Variants in STAU2 observed in about 807,000 individuals in gnomAD.
STAU2 encodes the protein staufen double-stranded RNA binding protein 2.
STAU2 carries 20 observed loss-of-function variants against 65.9 expected under a neutral mutation model. The observed-to-expected ratio is 0.30, with a 90% confidence interval of 0.21 to 0.44. The LOEUF is 0.44. Ranked by LOEUF, STAU2 falls within the 20% of genes least tolerant of loss-of-function variation. The probability of loss-of-function intolerance (pLI) is 1.00; values close to 1 mark genes in which losing one functional copy is unlikely to be tolerated. For synonymous variants in STAU2, 232 were observed against 233.9 expected (o/e 0.99, Z 0.07); for missense variants, 558 against 683.9 (o/e 0.82, Z 2.05).
In STAU2 at chr8:73,551,712, T is replaced by C. The variant is rs139538875; in HGVS notation, c.1530+300A>G. ...GTTTGTGGAAGACAGAGCGAAGAGA[T>C]AGATGCACCTAATCAAGACCAAATA... On this transcript the variant is annotated intron_variant, in intron 13 of 14. Transcript: ENST00000524300. 3.5e-4 allele frequency: 366 copies of C among 1,046,616 alleles called. No individual in the cohort carries two copies. In the African/African-American group the frequency reaches 5.5e-3, roughly 16 times the overall value. 64.8% of individuals were successfully genotyped at this position (1,046,616 alleles called of 1,614,324 possible).
intron 12 of STAU2, among the ~76,000 whole-genome samples, chr8:73,578,475 A>C (rs1416234068): frequency 1.3e-5 from 2 of 152,204 alleles, no homozygotes; most frequent in African/African-American, 4.8e-5. Flanking sequence ...TCTAATATAC[A>C]GTCATCAATG....
At chr8:73,556,982 ATT>A (rs1807834531) in intron 12 of STAU2, among the ~76,000 whole-genome samples, 1 of 152,042 alleles carries the variant, frequency 6.6e-6, no homozygotes, top group Admixed American at 6.6e-5. Context: ...CATATTACTG[ATT>A]TTTGTTTTTT....
rs554029193 is a variant in STAU2 at position 73,736,250 on chromosome 8, T to C, written c.-18+2034A>G. 3.3e-5 allele frequency among the ~76,000 whole-genome samples: 5 copies of C among 152,324 alleles called. No homozygotes were observed. The South Asian group carries it at 1.0e-3, about 32-fold the overall frequency. Reference sequence around the variant, plus strand: ...TGACAACATAATTACGTGGTTATTGTTGAAAAATAAATATCTCCTTGCTTT... The same window carrying C: ...TGACAACATAATTACGTGGTTATTGCTGAAAAATAAATATCTCCTTGCTTT... On this transcript the variant is annotated intron_variant, in intron 3 of 14. Coordinates refer to ENST00000524300, the MANE Select transcript of STAU2 (RefSeq NM_001164380.2).
chr8:73,670,830 A>G (rs1284703566), intron 6 of STAU2, among the ~76,000 whole-genome samples: 1 of 152,186 alleles, frequency 6.6e-6, no homozygotes, highest in Non-Finnish European at 1.5e-5. Flanking sequence ...TATAGGAAAG[A>G]ATTTCTCAGG....
intron 13 of STAU2, among the ~76,000 whole-genome samples, chr8:73,524,425 CCT>C (rs1223023797): frequency 1.3e-5 from 2 of 152,080 alleles, no homozygotes; most frequent in African/African-American, 2.4e-5. Flanking sequence ...GAATCTTTCC[CCT>C]GATCATTTTG....
chr8:73,582,717 C>A, intron 12 of STAU2, 53 bp downstream of exon 12: 1 of 1,550,552 alleles, frequency 6.4e-7, no homozygotes, highest in Non-Finnish European at 8.9e-7. Context: ...GACAGCTAGT[C>A]ACTGAGCCAC....
intron 12 of STAU2, among the ~76,000 whole-genome samples, chr8:73,561,132 A>C (rs1343596159): frequency 6.6e-6 from 1 of 152,184 alleles, no homozygotes; most frequent in Non-Finnish European, 1.5e-5. Flanking sequence ...ATAGTGATCC[A>C]AGGGCCCCTA....
chr8:73,538,677 A>T (rs952763134), intron 13 of STAU2, among the ~76,000 whole-genome samples: 8 of 106,960 alleles, frequency 7.5e-5, no homozygotes, highest in African/African-American at 2.5e-4. Context: ...AGAGTTTTAG[A>T]AAAAAAAAAA....
intron 12 of STAU2, among the ~76,000 whole-genome samples, chr8:73,579,077 T>C (rs1474933597): frequency 7.0e-6 from 1 of 143,272 alleles, no homozygotes; most frequent in Admixed American, 7.4e-5. Flanking sequence ...CAATGTCATA[T>C]CACTGGGACA....
At chr8:73,643,828 A>G (rs1815167633) in intron 6 of STAU2, among the ~76,000 whole-genome samples, 1 of 152,248 alleles carries the variant, frequency 6.6e-6, no homozygotes, top group African/African-American at 2.4e-5. Context: ...TAAATTTATT[A>G]AATAGTTGTA....
rs150942978 is a variant in STAU2, at chr8:73,704,628, G to A, written c.114+4404C>T. On this transcript the variant is annotated intron_variant, in intron 4 of 14. Transcript: ENST00000524300. Reference sequence around the variant, plus strand: ...AATTTATCTTGGCAAAATATTCAACGTTGGTATCTATTTCAAATTTTTCAT... The same window carrying A: ...AATTTATCTTGGCAAAATATTCAACATTGGTATCTATTTCAAATTTTTCAT... Among the ~76,000 whole-genome samples the A allele has an allele frequency of 5.6e-4, 86 of 152,244 alleles. 1 individual carries two copies. The South Asian group carries it at 7.5e-3, about 13-fold the overall frequency.
intron 13 of STAU2, among the ~76,000 whole-genome samples, chr8:73,546,273 T>C (rs1284867010): frequency 6.6e-6 from 1 of 151,650 alleles, no homozygotes; most frequent in South Asian, 2.1e-4. Flanking sequence ...AGCCAAGGAG[T>C]CAGAATTCTT....
At chr8:73,446,649 AT>A (rs563537046) in intron 13 of STAU2, among the ~76,000 whole-genome samples, 1 of 152,194 alleles carries the variant, frequency 6.6e-6, no homozygotes, top group Non-Finnish European at 1.5e-5. Context: ...ATTTAATTTA[AT>A]TTTTTTTAAA....
At chr8:73,457,306 T>C (rs1819122718) in intron 13 of STAU2, among the ~76,000 whole-genome samples, 1 of 152,210 alleles carries the variant, frequency 6.6e-6, no homozygotes, top group African/African-American at 2.4e-5. Context: ...ACACTGCAGG[T>C]TGGTGTCCAA....
At chr8:73,631,914 G>T (rs1040677885) in intron 6 of STAU2, among the ~76,000 whole-genome samples, 2 of 149,130 alleles carry the variant, frequency 1.3e-5, no homozygotes, top group Non-Finnish European at 3.0e-5. Flanking sequence ...TTACCCACCC[G>T]CAAAAGAGAA....
chr8:73,592,179 T>C (rs1020428125), intron 11 of STAU2, among the ~76,000 whole-genome samples: 2 of 151,508 alleles, frequency 1.3e-5, no homozygotes, highest in African/African-American at 4.8e-5. Context: ...ACCTAATTGT[T>C]TGAAAAGACT....
At chr8:73,649,410 T>A (rs970663427) in intron 6 of STAU2, among the ~76,000 whole-genome samples, 1 of 152,178 alleles carries the variant, frequency 6.6e-6, no homozygotes, top group Non-Finnish European at 1.5e-5. Context: ...GAGGTCCAGG[T>A]TGCCGACCCT....
chr8:73,531,150 G>A (rs1360023707), intron 13 of STAU2, among the ~76,000 whole-genome samples: 1 of 152,210 alleles, frequency 6.6e-6, no homozygotes, highest in African/African-American at 2.4e-5. Context: ...ATGCTTGAGT[G>A]AGATGAGGAG....
intron 6 of STAU2, chr8:73,672,876 G>T: frequency 3.4e-6 from 1 of 293,900 alleles, no homozygotes; most frequent in Non-Finnish European, 6.1e-6. Flanking sequence ...AGTTCCTTCA[G>T]ATCTTTTACG....
Sources: gnomAD v4.1 joint callset for allele counts (sites outside exome capture counted in the v4.1 genomes callset) on GRCh38, gnomAD v4.1.1 for gene constraint, MANE v1.5 for transcripts, NCBI Gene and HGNC (gene_info 2026-07-23, HGNC 2026-07-21) for gene names.